RASA3: variants seen among roughly 807,000 people sequenced by gnomAD.
The protein encoded by RASA3 is ras GTPase-activating protein 3.
A neutral mutation model predicts 110.0 loss-of-function variants in RASA3; 73 were observed. That is an observed-to-expected ratio of 0.66 (90% CI 0.55 to 0.81). The LOEUF is 0.81. Ranked by LOEUF, RASA3 falls within the 30% of genes least tolerant of loss-of-function variation. The pLI, the probability that RASA3 is intolerant of heterozygous loss-of-function variation, is 0.00. For missense variants in RASA3, 976 were observed against 1,113.2 expected (o/e 0.88, Z 1.75); for synonymous variants, 500 against 451.4 (o/e 1.11, Z -1.37).
chr13:114,098,719 G>A (rs970527000), intron 1 of RASA3, among the ~76,000 whole-genome samples: 5 of 152,094 alleles, frequency 3.3e-5, no homozygotes, highest in African/African-American at 1.2e-4. Flanking sequence ...AAGGAACCCC[G>A]TGGGATGTCC....
At chr13:114,012,976 C>T (rs878957981) in intron 15 of RASA3, among the ~76,000 whole-genome samples, 166 bp downstream of exon 15, 1 of 151,204 alleles carries the variant, frequency 6.6e-6, no homozygotes, top group South Asian at 2.1e-4. Flanking sequence ...ACTCCCCACT[C>T]ACTCCTCATT....
chr13:114,100,309 C>G (rs11841253), intron 1 of RASA3, among the ~76,000 whole-genome samples: 34,332 of 151,992 alleles, frequency 0.23, 4,178 homozygotes, highest in Admixed American at 0.31. Flanking sequence ...CCTGGGGCAC[C>G]CTCAGAGCTT....
chr13:114,017,189 A>G, intron 12 of RASA3, 48 bp downstream of exon 12: 2 of 1,531,660 alleles, frequency 1.3e-6, no homozygotes, highest in Non-Finnish European at 1.8e-6. Context: ...GTTGGGGGAA[A>G]TCCTCCCCAC....
intron 1 of RASA3, among the ~76,000 whole-genome samples, chr13:114,089,299 AGGGGGGGAGGAGGG>A (rs1167509288): frequency 6.8e-5 from 1 of 14,792 alleles, no homozygotes; most frequent in African/African-American, 2.3e-4. Flanking sequence ...AGCGGGGAGG[AGGGGGGGAGGAGGG>A]GGGAGGGGGA....
At chr13:114,077,992 G>GAA (rs112524043) in intron 1 of RASA3, 10,585 of 886,470 alleles carry the variant, frequency 0.012, no homozygotes, top group Middle Eastern at 0.013. Context: ...CATTGAAACA[G>GAA]AAAAAAAAAA....
chr13:114,067,949 C>T (rs2079481420), intron 2 of RASA3, among the ~76,000 whole-genome samples: 1 of 152,250 alleles, frequency 6.6e-6, no homozygotes, highest in South Asian at 2.1e-4. Context: ...TCAGAAATCA[C>T]ATCACATTGA....
intron 2 of RASA3, among the ~76,000 whole-genome samples, chr13:114,070,999 G>A (rs914567897): frequency 2.1e-5 from 3 of 140,084 alleles, no homozygotes; most frequent in South Asian, 2.4e-4. Flanking sequence ...GCTAAACGGC[G>A]CCACAGTGTT....
intron 1 of RASA3, among the ~76,000 whole-genome samples, chr13:114,076,555 CGCAGCACACGCAG>C (rs889064239): frequency 3.8e-4 from 57 of 151,804 alleles, no homozygotes; most frequent in African/African-American, 5.3e-4. Context: ...CGCACACACA[CGCAGCACACGCAG>C]GCAGCACACG....
chr13:114,000,193 GCTGGGGTGCC>G (rs889033201), intron 19 of RASA3, among the ~76,000 whole-genome samples: 17 of 151,432 alleles, frequency 1.1e-4, no homozygotes, highest in African/African-American at 3.9e-4. Flanking sequence ...GGGGGTCTCT[GCTGGGGTGCC>G]CTGGGCCGGA....
At chr13:114,060,923 G>A (rs1057373408) in intron 2 of RASA3, among the ~76,000 whole-genome samples, 2 of 151,904 alleles carry the variant, frequency 1.3e-5, no homozygotes, top group African/African-American at 2.4e-5. Flanking sequence ...GCCGGCAGAC[G>A]GAGCCCCCAC....
Position 114,064,585 on chromosome 13 carries a change from C to G in RASA3, c.173+9135G>C, listed in dbSNP as rs528114003. 3.3e-5 allele frequency among the ~76,000 whole-genome samples: 5 copies of G among 152,322 alleles called. No individual in the cohort carries two copies. The East Asian group carries it at 9.6e-4, about 29-fold the overall frequency. ...CCTTCCTGGGCAGCAGAGTTTGAAG[C>G]GTATTCCAAAAGAAAAATGAAACCG... On this transcript the variant is annotated intron_variant, in intron 2 of 23. Transcript: ENST00000334062.
At chr13:114,116,796 T>TGA (rs1485308637) in intron 1 of RASA3, among the ~76,000 whole-genome samples, 1 of 137,154 alleles carries the variant, frequency 7.3e-6, no homozygotes, top group Non-Finnish European at 1.6e-5. Context: ...TGCACGTGTG[T>TGA]GAGGGGTGCA....
In RASA3 at chr13:114,048,119, C is replaced by T. The variant is rs908304306; in HGVS notation, c.277+3933G>A. Among the ~76,000 whole-genome samples, 6 of 152,112 alleles carry T rather than the reference C, an allele frequency of 3.9e-5. No individual in the cohort carries two copies. Among genetic ancestry groups the T allele is most frequent in the South Asian group, 2.1e-4 (1 of 4,808 alleles). ...TCACGAGGTCAGGAGATAGAGACCA[C>T]CTTGGCTAACACGGTGAAACCCCGT... On this transcript the variant is annotated intron_variant, in intron 3 of 23. Transcript: ENST00000334062. The surrounding 1 kb of genome is among the most constrained non-coding windows in gnomAD (Gnocchi z 4.3).
chr13:114,122,575 T>C (rs1389021659), intron 1 of RASA3, among the ~76,000 whole-genome samples: 1 of 152,186 alleles, frequency 6.6e-6, no homozygotes, highest in Non-Finnish European at 1.5e-5. Flanking sequence ...CTTCCCCCGC[T>C]GGGTGGGCTT....
At chr13:114,075,332 G>A (rs2079650908) in intron 1 of RASA3, among the ~76,000 whole-genome samples, 1 of 152,212 alleles carries the variant, frequency 6.6e-6, no homozygotes, top group African/African-American at 2.4e-5. Flanking sequence ...TGGCATGCCA[G>A]CAACTCCAAA....
intron 1 of RASA3, among the ~76,000 whole-genome samples, chr13:114,120,106 G>A (rs1293053253): frequency 1.6e-4 from 7 of 42,480 alleles, no homozygotes; most frequent in Non-Finnish European, 2.3e-4. Flanking sequence ...GCGTCGATCA[G>A]GGCCCCCCTC....
chr13:114,041,829 C>T (rs936765419), intron 3 of RASA3, among the ~76,000 whole-genome samples: 15 of 152,176 alleles, frequency 9.9e-5, no homozygotes, highest in Non-Finnish European at 2.2e-4. Context: ...ATGAATGAGC[C>T]GCCTTCTGGG....
rs762066375 is a variant in RASA3 at position 113,981,865 on chromosome 13, A to G, written c.2246-7T>C. The G allele has an allele frequency of 4.3e-6, 7 of 1,612,508 alleles. No homozygotes were observed. Among genetic ancestry groups the G allele is most frequent in the Non-Finnish European group, 5.9e-6 (7 of 1,179,418 alleles). ...GATTTGCTCCCACAGGCCTCTGTGG[A>G]GGGCGGAGGGGTCAGCGCAGGGCAG... On this transcript the variant is annotated splice_polypyrimidine_tract_variant and splice_region_variant and intron_variant, in intron 22 of 23. Coordinates refer to ENST00000334062, the MANE Select transcript of RASA3 (RefSeq NM_007368.4).
In RASA3 at chr13:114,057,920, G is replaced by A. The variant is rs960522222; in HGVS notation, c.174-5765C>T. ...TCCTAGCGCACACTGGGTAGATGCA[G>A]GTGTTTCCAATGTGCTGAAGAGGGC... On this transcript the variant is annotated intron_variant, in intron 2 of 23. Transcript: ENST00000334062. This position sits in a 1 kb window ranked among gnomAD's most constrained non-coding sequence, Gnocchi z 5.0. Among the ~76,000 whole-genome samples, 43 of 152,200 alleles carry A rather than the reference G, an allele frequency of 2.8e-4. No homozygotes were observed. The highest frequency in any genetic ancestry group is 2.8e-3 in the Admixed American group (43 of 15,286).
Sources: allele counts gnomAD v4.1 joint callset (sites outside exome capture counted in the v4.1 genomes callset), GRCh38; gene constraint gnomAD v4.1.1; non-coding constraint Gnocchi (gnomAD v3.1); transcripts MANE v1.5; gene names NCBI Gene and HGNC (gene_info 2026-07-23, HGNC 2026-07-21).